RNLS: variants seen among roughly 807,000 people sequenced by gnomAD.
RNLS encodes the protein renalase.
A neutral mutation model predicts 39.8 loss-of-function variants in RNLS; 39 were observed. The ratio of observed to expected loss-of-function variants is 0.98; its 90% CI spans 0.76 to 1.28. RNLS has a LOEUF of 1.28. Ranked by LOEUF, RNLS falls within the 50% of genes most tolerant of loss-of-function variation. The pLI is 0.00. For synonymous variants in RNLS, 147 were observed against 150.7 expected, an observed-to-expected ratio of 0.98 and a Z score of 0.18; for missense variants, 410 against 413.3, an observed-to-expected ratio of 0.99 and a Z score of 0.07.
At chr10:88,198,197 C>T in the RNLS span, among the ~76,000 whole-genome samples, 1 of 152,184 alleles carries the variant, frequency 6.6e-6, no homozygotes, top group Non-Finnish European at 1.5e-5. Context: ...TTAGTCATTG[C>T]AGGCAGCTTT....
chr10:88,454,321 T>C (rs1842508610), intron 4 of RNLS, among the ~76,000 whole-genome samples: 1 of 152,224 alleles, frequency 6.6e-6, no homozygotes, highest in Non-Finnish European at 1.5e-5. Context: ...TTTGATGGCA[T>C]TGTGGGAGGA....
At chr10:88,393,579 G>A (rs1852354039) in intron 4 of RNLS, among the ~76,000 whole-genome samples, 1 of 152,146 alleles carries the variant, frequency 6.6e-6, no homozygotes, top group African/African-American at 2.4e-5. Flanking sequence ...CATGCTCATG[G>A]GTAGGCAGAA....
chr10:88,450,027 C>A (rs894842322), intron 4 of RNLS, among the ~76,000 whole-genome samples: 9 of 150,888 alleles, frequency 6.0e-5, no homozygotes, highest in Admixed American at 5.9e-4. Flanking sequence ...AGAGCTGGGC[C>A]TTTTGGGAGG....
chr10:88,507,282 C>A (rs1845844931), intron 4 of RNLS, among the ~76,000 whole-genome samples: 1 of 151,940 alleles, frequency 6.6e-6, no homozygotes, highest in Admixed American at 6.6e-5. Context: ...CACACACACA[C>A]AATGAATATA....
At chr10:88,375,410 T>C (rs1256409304) in intron 4 of RNLS, among the ~76,000 whole-genome samples, 1 of 152,208 alleles carries the variant, frequency 6.6e-6, no homozygotes, top group Non-Finnish European at 1.5e-5. Context: ...TTTTTGTTAA[T>C]AACCAATGTC....
chr10:88,391,576 G>A (rs1809889037), intron 4 of RNLS, among the ~76,000 whole-genome samples: 1 of 151,900 alleles, frequency 6.6e-6, no homozygotes, highest in African/African-American at 2.4e-5. Flanking sequence ...AAAATGTCTT[G>A]GTAGGTTATG....
chr10:88,260,631 G>A, the RNLS span, among the ~76,000 whole-genome samples: 3 of 152,208 alleles, frequency 2.0e-5, no homozygotes, highest in Admixed American at 1.3e-4. Context: ...GGTTGGAAGG[G>A]TTCTTGGGCT....
intron 4 of RNLS, among the ~76,000 whole-genome samples, chr10:88,452,083 A>G (rs1842390676): frequency 6.6e-6 from 1 of 152,236 alleles, no homozygotes; most frequent in Non-Finnish European, 1.5e-5. Flanking sequence ...TGTGGAGGTT[A>G]AGCAATACAG....
intron 4 of RNLS, among the ~76,000 whole-genome samples, chr10:88,524,956 C>CAT (rs748723170): frequency 9.2e-5 from 7 of 76,294 alleles, no homozygotes; most frequent in East Asian, 5.8e-4. Flanking sequence ...ATGGCACACA[C>CAT]ATACATATAT....
chr10:88,355,713 G>T (rs1344094832), intron 5 of RNLS, among the ~76,000 whole-genome samples: 1 of 152,112 alleles, frequency 6.6e-6, no homozygotes, highest in African/African-American at 2.4e-5. Flanking sequence ...ACTCCATTCT[G>T]GGAGAACCAC....
chr10:88,271,819 G>C (rs4556454), downstream of RNLS, among the ~76,000 whole-genome samples: 127,149 of 152,152 alleles, frequency 0.84, 53,449 homozygotes, highest in Non-Finnish European at 0.88. Context: ...CTGCTCTCTT[G>C]TTCCCCTAAA....
At chr10:88,256,564 G>A in the RNLS span, among the ~76,000 whole-genome samples, 1 of 152,182 alleles carries the variant, frequency 6.6e-6, no homozygotes, top group South Asian at 2.1e-4. Context: ...TGCGGGGTCC[G>A]CCCACCTTCG....
At chr10:88,189,114 C>A in the RNLS span, among the ~76,000 whole-genome samples, 1 of 152,098 alleles carries the variant, frequency 6.6e-6, no homozygotes, top group Non-Finnish European at 1.5e-5. Context: ...GATGTACATT[C>A]TAAGGACACA....
At position 88,274,611 on chromosome 10, in the gene RNLS, C is replaced by T. The variant is rs74407293; in HGVS notation, c.*350G>A. 1.8e-5 allele frequency: 4 copies of T among 228,240 alleles called. No individual in the cohort carries two copies. The South Asian group carries it at 2.1e-4, about 12-fold the overall frequency. 14.1% of individuals were successfully genotyped at this position (228,240 alleles called of 1,614,324 possible). A position where few individuals can be genotyped will look rare whatever the true frequency, so the allele number is the denominator to read the frequency against. ...TCATCTATCCATGGACACTGGGTTG[C>T]TTCCACCTTTTGGCTGTTGTGAATA... On this transcript the variant is annotated 3_prime_UTR_variant, in exon 7 of 7. Coordinates refer to the RNLS transcript ENST00000371947.
intron 4 of RNLS, among the ~76,000 whole-genome samples, chr10:88,377,173 AT>A (rs1466702282): frequency 6.6e-6 from 1 of 152,020 alleles, no homozygotes; most frequent in African/African-American, 2.4e-5. Context: ...GATAAGGTGT[AT>A]TCTCCACATC....
the RNLS span, among the ~76,000 whole-genome samples, chr10:88,243,343 T>C: frequency 6.6e-6 from 1 of 152,238 alleles, no homozygotes; most frequent in Non-Finnish European, 1.5e-5. Context: ...CCTGGAACAA[T>C]ACTCTGTGCT....
intron 4 of RNLS, among the ~76,000 whole-genome samples, chr10:88,443,497 GAGCCGA>G (rs1455864084): frequency 6.6e-6 from 1 of 152,204 alleles, no homozygotes; most frequent in East Asian, 1.9e-4. Flanking sequence ...CACCGAGCGT[GAGCCGA>G]AGCAGGGCGA....
intron 4 of RNLS, among the ~76,000 whole-genome samples, chr10:88,548,268 A>AT: frequency 2.3e-5 from 1 of 43,470 alleles, no homozygotes; most frequent in African/African-American, 7.8e-5. Flanking sequence ...TCTCAAAAAA[A>AT]AAAAAAAAAA....
At chr10:88,435,469 C>CA (rs1038222577) in intron 4 of RNLS, among the ~76,000 whole-genome samples, 17 of 148,450 alleles carry the variant, frequency 1.1e-4, no homozygotes, top group African/African-American at 4.2e-4. Flanking sequence ...AAAAAAAGAC[C>CA]AAAAAAATTA....
Sources: gnomAD v4.1 joint callset for allele counts (sites outside exome capture counted in the v4.1 genomes callset) on GRCh38, gnomAD v4.1.1 for gene constraint, MANE v1.5 for transcripts, NCBI Gene and HGNC (gene_info 2026-07-23, HGNC 2026-07-21) for gene names.